The following DNMT3A variants were observed in gnomAD, a reference collection of about 807,000 sequenced individuals.
DNMT3A encodes the protein DNA (cytosine-5)-methyltransferase 3A.
Under a neutral mutation model 117.6 loss-of-function variants are expected in DNMT3A, and 267 were observed. That is an observed-to-expected ratio of 2.27 (90% CI 2.05 to 2.51). DNMT3A has a LOEUF of 2.51. Among genes scored for constraint, DNMT3A ranks in the 30% most tolerant of loss-of-function variants. The pLI is 0.00. For synonymous variants in DNMT3A, 432 were observed against 474.8 expected, an observed-to-expected ratio of 0.91 and a Z score of 1.17; for missense variants, 1,029 against 1,260.2, an observed-to-expected ratio of 0.82 and a Z score of 2.78.
At chr2:25,313,450 C>A (rs926532287) in intron 2 of DNMT3A, among the ~76,000 whole-genome samples, 9 of 152,164 alleles carry the variant, frequency 5.9e-5, no homozygotes, top group Non-Finnish European at 1.3e-4. Context: ...GAGGGTGGGC[C>A]CCCGCGGCCT....
chr2:25,284,500 A>G (rs1419311948), intron 3 of DNMT3A, among the ~76,000 whole-genome samples: 2 of 151,838 alleles, frequency 1.3e-5, no homozygotes, highest in African/African-American at 4.8e-5. Context: ...ACTAAAAATT[A>G]GCTGGGTGTG....
Position 25,230,623 on chromosome 2 carries a change from C to A in DNMT3A, c.*3656G>T. 1 of 152,562 alleles carries A rather than the reference C, an allele frequency of 6.6e-6. No homozygotes were observed. Among genetic ancestry groups the A allele is most frequent in the Non-Finnish European group, 1.5e-5 (1 of 68,238 alleles). 9.5% of individuals were successfully genotyped at this position (152,562 alleles called of 1,614,324 possible). A position where few individuals can be genotyped will look rare whatever the true frequency, so the allele number is the denominator to read the frequency against. On this transcript the variant is annotated 3_prime_UTR_variant, in exon 23 of 23. Coordinates refer to ENST00000321117, the MANE Select transcript of DNMT3A (RefSeq NM_022552.5). ...GTTCAGCACCCCTTGGAAGGTGACC[C>A]AATACCTGTCCCCAGAGGCCCCAGC...
chr2:25,250,076 C>A (rs767543262), intron 6 of DNMT3A, among the ~76,000 whole-genome samples: 2 of 151,974 alleles, frequency 1.3e-5, no homozygotes, highest in Non-Finnish European at 2.9e-5. Context: ...AAAAAGGCAC[C>A]TGAACGGAAG....
chr2:25,239,782 G>A (rs1262477769), intron 19 of DNMT3A, among the ~76,000 whole-genome samples: 3 of 152,174 alleles, frequency 2.0e-5, no homozygotes, highest in Non-Finnish European at 4.4e-5. Context: ...CTCCCAGAAG[G>A]GCCACTCCAA....
Position 25,306,497 on chromosome 2 carries a change from A to C in DNMT3A, c.73-6254T>G, listed in dbSNP as rs569131425. On this transcript the variant is annotated intron_variant, in intron 2 of 22. Coordinates refer to ENST00000321117, the MANE Select transcript of DNMT3A (RefSeq NM_022552.5). This position sits in a 1 kb window ranked among gnomAD's most constrained non-coding sequence, Gnocchi z 4.1. ...GGGCCGTGTCTCATTGGCGCCTCTG[A>C]GTCCCCCACAGCTCCTGGGTACTTG... Among the ~76,000 whole-genome samples, 48 of 152,320 alleles carry C rather than the reference A, an allele frequency of 3.2e-4. No homozygotes were observed. Among genetic ancestry groups the C allele is most frequent in the Admixed American group, 1.6e-3 (25 of 15,298 alleles).
In DNMT3A at chr2:25,282,712, C is replaced by A; in HGVS notation, c.178-1G>T. On this transcript the variant is annotated splice_acceptor_variant, in intron 3 of 22. Coordinates refer to ENST00000321117, the MANE Select transcript of DNMT3A (RefSeq NM_022552.5). LOFTEE classifies it high-confidence loss of function. This position sits in a 1 kb window ranked among gnomAD's most constrained non-coding sequence, Gnocchi z 5.2. The stretch of plus-strand genomic sequence containing the variant: ...CCTTTGGCGTGTCACCGCTTTCCAC[C>A]TGCAAATGTAAGAAAGATACACAAG... 1 of 1,521,766 alleles carries A rather than the reference C, an allele frequency of 6.6e-7. No individual in the cohort carries two copies. Among genetic ancestry groups the A allele is most frequent in the South Asian group, 1.3e-5 (1 of 76,836 alleles). 94.3% of individuals were successfully genotyped at this position (1,521,766 alleles called of 1,614,324 possible).
chr2:25,265,244 C>T (rs540682262), intron 6 of DNMT3A, among the ~76,000 whole-genome samples: 14 of 152,334 alleles, frequency 9.2e-5, no homozygotes, highest in South Asian at 6.2e-4. Context: ...GGAGCAGCCC[C>T]AACAACTGCA....
chr2:25,280,320 GC>G (rs1225841920), intron 4 of DNMT3A, among the ~76,000 whole-genome samples: 1 of 28,332 alleles, frequency 3.5e-5, no homozygotes, highest in Non-Finnish European at 8.2e-5. Context: ...CCGCCTCCCC[GC>G]CCCCCCACCC....
At position 25,234,186 on chromosome 2, in the gene DNMT3A, T is replaced by G. The variant is rs1198040591; in HGVS notation, c.*93A>C. The G allele has an allele frequency of 1.3e-6, 2 of 1,510,290 alleles. No homozygotes were observed. Among genetic ancestry groups the G allele is most frequent in the Non-Finnish European group, 1.8e-6 (2 of 1,124,350 alleles). The allele number at this position is 1,510,290 out of a possible 1,614,324, so 93.6% of individuals were successfully genotyped here. On this transcript the variant is annotated 3_prime_UTR_variant, in exon 23 of 23. Transcript: ENST00000321117. This position sits in a 1 kb window ranked among gnomAD's most constrained non-coding sequence, Gnocchi z 4.5. ...TCTCTTCTGGGTGCTGATACTTCTC[T>G]CCATCCTCATGTTCTTGGTGTTTTA...
chr2:25,325,238 G>A (rs1027779034), intron 1 of DNMT3A, among the ~76,000 whole-genome samples: 11 of 152,264 alleles, frequency 7.2e-5, no homozygotes, highest in South Asian at 4.2e-4. Context: ...AGGCAGCACC[G>A]ATTTCCAAGT....
intron 6 of DNMT3A, among the ~76,000 whole-genome samples, chr2:25,258,344 C>T (rs956921339): frequency 1.3e-5 from 2 of 152,206 alleles, no homozygotes; most frequent in Non-Finnish European, 2.9e-5. Context: ...CAAATGCTGT[C>T]GGGCAGGGGC....
At position 25,294,090 on chromosome 2, in the gene DNMT3A, C is replaced by T. The variant is rs1016045703; in HGVS notation, c.177+6049G>A. Reference sequence around the variant, plus strand: ...TGCCCTGCATGCCTTCCTTCCTCCACACCCAGCTCAGCTGGGGTCGGGGGT... The same window carrying T: ...TGCCCTGCATGCCTTCCTTCCTCCATACCCAGCTCAGCTGGGGTCGGGGGT... On this transcript the variant is annotated intron_variant, in intron 3 of 22. Transcript: ENST00000321117. The surrounding 1 kb of genome is among the most constrained non-coding windows in gnomAD (Gnocchi z 4.7). Among the ~76,000 whole-genome samples, 7 of 152,232 alleles carry T rather than the reference C, an allele frequency of 4.6e-5. No homozygotes were observed. Among genetic ancestry groups the T allele is most frequent in the African/African-American group, 1.7e-4 (7 of 41,462 alleles).
Position 25,275,058 on chromosome 2 carries a change from C to T in DNMT3A, c.522G>A (p.Leu174=). 1 of 1,599,754 alleles carries T rather than the reference C, an allele frequency of 6.3e-7. No homozygotes were observed. Among genetic ancestry groups the T allele is most frequent in the Non-Finnish European group, 8.5e-7 (1 of 1,173,704 alleles). Residue 174 remains leucine (L), a synonymous_variant, in exon 6 of 23, where the codon TTG becomes TTA. Transcript: ENST00000321117. ...EGSRGRLRGG[L]GWESSLRQRP... is the part of the protein sequence containing the mutation. ...GCTGACGGAGGCTGGACTCCCAGCC[C>T]AAGCCACCCCGCAGCCGGCCCCGGG...
At position 25,247,890 on chromosome 2, in the gene DNMT3A, G is replaced by C; in HGVS notation, c.856-141C>G. The C allele has an allele frequency of 6.6e-7, 1 of 1,515,618 alleles. No individual in the cohort carries two copies. 93.9% of individuals were successfully genotyped at this position (1,515,618 alleles called of 1,614,324 possible). On this transcript the variant is annotated intron_variant, in intron 7 of 22. Transcript: ENST00000321117. The surrounding 1 kb of genome is among the most constrained non-coding windows in gnomAD (Gnocchi z 5.6). ...CTCCATCTGAATGAGGCAAGACAGA[G>C]CAAAATCGGGGAGACGAAGAGGCCC...
chr2:25,282,167 C>A lies in DNMT3A; in HGVS notation c.448+274G>T. ...TGCCAGATCTAGCTTTTTTTTTTTT[C>A]ATGAGAAGCCAAAACTCCAGATTTT... On this transcript the variant is annotated intron_variant, in intron 4 of 22. Coordinates refer to ENST00000321117, the MANE Select transcript of DNMT3A (RefSeq NM_022552.5). This position sits in a 1 kb window ranked among gnomAD's most constrained non-coding sequence, Gnocchi z 5.2. 6.4e-6 allele frequency: 7 copies of A among 1,094,242 alleles called. No homozygotes were observed. The highest frequency in any genetic ancestry group is 3.3e-5 in the African/African-American group (2 of 60,014). The allele number at this position is 1,094,242 out of a possible 1,614,324, so 67.8% of individuals were successfully genotyped here.
chr2:25,273,486 A>G (rs1373617485), intron 6 of DNMT3A, among the ~76,000 whole-genome samples: 6 of 152,156 alleles, frequency 3.9e-5, no homozygotes, highest in Non-Finnish European at 4.4e-5. Context: ...TGGGGTAAAG[A>G]CGAAATGAGA....
At chr2:25,279,507 C>A (rs1372052893) in intron 4 of DNMT3A, among the ~76,000 whole-genome samples, 1 of 152,114 alleles carries the variant, frequency 6.6e-6, no homozygotes, top group African/African-American at 2.4e-5. Flanking sequence ...AAGCCACTGT[C>A]CGTTGCATAT....
rs187069079 is a variant in DNMT3A, at chr2:25,259,784, T to G, written c.640-11532A>C. On this transcript the variant is annotated intron_variant, in intron 6 of 22. Coordinates refer to ENST00000321117, the MANE Select transcript of DNMT3A (RefSeq NM_022552.5). ...GGGGCCTAAAGGAGCCGCATTCAGA[T>G]TCAGGCATGCAGACCCTCTCAAGTT... Among the ~76,000 whole-genome samples the G allele has an allele frequency of 4.3e-4, 66 of 152,258 alleles. No individual in the cohort carries two copies. In the East Asian group the frequency reaches 0.01, roughly 24 times the overall value.
In DNMT3A at chr2:25,282,276, C is replaced by T. The variant is rs1021623741; in HGVS notation, c.448+165G>A. Reference sequence around the variant, plus strand: ...CTCTATGGGCCAAATAAAACATATGCGCAGGCTGCATCCAGCCAGTAGCCT... The same window carrying T: ...CTCTATGGGCCAAATAAAACATATGTGCAGGCTGCATCCAGCCAGTAGCCT... On this transcript the variant is annotated intron_variant, in intron 4 of 22. Transcript: ENST00000321117. This position sits in a 1 kb window ranked among gnomAD's most constrained non-coding sequence, Gnocchi z 5.2. 24 of 1,429,738 alleles carry T rather than the reference C, an allele frequency of 1.7e-5. No homozygotes were observed. In the East Asian group the frequency reaches 2.9e-4, roughly 17 times the overall value. 88.6% of individuals were successfully genotyped at this position (1,429,738 alleles called of 1,614,324 possible).
Sources: gnomAD v4.1 joint callset for allele counts (sites outside exome capture counted in the v4.1 genomes callset) on GRCh38, gnomAD v4.1.1 for gene constraint, Gnocchi (gnomAD v3.1) non-coding constraint, MANE v1.5 for transcripts, NCBI Gene and HGNC (gene_info 2026-07-23, HGNC 2026-07-21) for gene names.